The following EIF4G3 variants were observed in gnomAD, a reference collection of about 807,000 sequenced individuals.
EIF4G3 encodes eIF-4-gamma 3.
In EIF4G3, 34 loss-of-function variants were observed where a neutral mutation model predicts 186.4. The observed-to-expected ratio is 0.18, with a 90% confidence interval of 0.14 to 0.24. EIF4G3 has a LOEUF of 0.24. Among genes scored for constraint, EIF4G3 ranks in the 10% least tolerant of loss-of-function variants. The pLI, the probability that EIF4G3 is intolerant of heterozygous loss-of-function variation, is 1.00. For synonymous variants in EIF4G3, 673 were observed against 679.5 expected (o/e 0.99, Z 0.15); for missense variants, 1,536 against 1,948.5 (o/e 0.79, Z 3.99).
At chr1:20,808,490 G>A (rs1298552990) in intron 36 of EIF4G3, among the ~76,000 whole-genome samples, 1 of 151,810 alleles carries the variant, frequency 6.6e-6, no homozygotes, top group African/African-American at 2.4e-5. Flanking sequence ...GACCATCCTG[G>A]CTAACACAGT....
intron 16 of EIF4G3, among the ~76,000 whole-genome samples, chr1:20,898,131 TA>T (rs1306860986): frequency 2.0e-5 from 3 of 152,012 alleles, no homozygotes; most frequent in Non-Finnish European, 4.4e-5. Context: ...AGGGTTTTTT[TA>T]AAAAAAGTTT....
At chr1:20,813,769 C>T (rs1180071190) in intron 34 of EIF4G3, among the ~76,000 whole-genome samples, 2 of 151,500 alleles carry the variant, frequency 1.3e-5, no homozygotes, top group Non-Finnish European at 2.9e-5. Flanking sequence ...TCGTTTGAAC[C>T]TGGGAGGTGG....
chr1:21,068,398 A>C (rs917773096), intron 3 of EIF4G3, among the ~76,000 whole-genome samples: 1 of 147,314 alleles, frequency 6.8e-6, no homozygotes. Flanking sequence ...AAAAAAAAAA[A>C]AACAGAATAC....
At chr1:21,091,079 C>T (rs907030605) in intron 2 of EIF4G3, among the ~76,000 whole-genome samples, 3 of 152,162 alleles carry the variant, frequency 2.0e-5, no homozygotes, top group Non-Finnish European at 4.4e-5. Flanking sequence ...AGATACCGAA[C>T]AGGATTTCTC....
chr1:21,162,449 A>T (rs1373466537), intron 2 of EIF4G3, among the ~76,000 whole-genome samples: 1 of 54,670 alleles, frequency 1.8e-5, no homozygotes, highest in Non-Finnish European at 4.9e-5. Context: ...ACATCATCTT[A>T]AAAAAAAAAA....
Position 20,941,851 on chromosome 1 carries a change from C to T in EIF4G3, c.1303G>A (p.Glu435Lys). 1.2e-6 allele frequency: 2 copies of T among 1,614,112 alleles called. No individual in the cohort carries two copies. The highest frequency in any genetic ancestry group is 8.5e-7 in the Non-Finnish European group (1 of 1,180,012). The change falls in exon 14 of 37, where the codon GAA becomes AAA. Residue 435 changes from glutamate (E) to lysine (K), a missense_variant. Glu to Lys is a moderately conservative substitution (Grantham distance 56). Coordinates refer to ENST00000602326, the MANE Select transcript of EIF4G3 (RefSeq NM_001391906.1). ...TESIVEIVKQ[E>K]VLPLTLELEI... The stretch of plus-strand genomic sequence containing the variant: ...AATTCAAGAGTCAATGGCAATACTT[C>T]CTGTTTTACTATTTCCACAATGCTC...
At position 21,130,199 on chromosome 1, in the gene EIF4G3, C is replaced by T. The variant is rs181613501; in HGVS notation, c.-271-40986G>A. On this transcript the variant is annotated intron_variant, in intron 2 of 36. Coordinates refer to ENST00000602326, the MANE Select transcript of EIF4G3 (RefSeq NM_001391906.1). The stretch of plus-strand genomic sequence containing the variant: ...AAGAGTTGAAGACCAGACTGGGCAA[C>T]ACAGGAGACCCCATCTCTTTTTTTT... Among the ~76,000 whole-genome samples, 163 of 144,790 alleles carry T rather than the reference C, an allele frequency of 1.1e-3. 1 individual carries two copies. Among genetic ancestry groups the T allele is most frequent in the African/African-American group, 4.0e-3 (159 of 39,498 alleles). The allele number at this position is 144,790 out of a possible 152,430, so 95.0% of individuals were successfully genotyped here.
At chr1:20,962,437 T>C (rs529061379) in intron 12 of EIF4G3, among the ~76,000 whole-genome samples, 3 of 152,348 alleles carry the variant, frequency 2.0e-5, no homozygotes, top group South Asian at 2.1e-4. Flanking sequence ...GTTTACATCA[T>C]CTGTTTATAA....
At chr1:21,110,352 G>C (rs1333334833) in intron 2 of EIF4G3, among the ~76,000 whole-genome samples, 1 of 151,670 alleles carries the variant, frequency 6.6e-6, no homozygotes, top group African/African-American at 2.4e-5. Context: ...CTGGAGTGCA[G>C]TGACGCAATC....
At chr1:21,050,557 C>T (rs1284159886) in intron 4 of EIF4G3, among the ~76,000 whole-genome samples, 3 of 152,170 alleles carry the variant, frequency 2.0e-5, no homozygotes, top group Admixed American at 6.5e-5. Flanking sequence ...GATTAAGCAT[C>T]GAAAAGCAAA....
chr1:20,818,104 C>G (rs1445813180), intron 33 of EIF4G3, among the ~76,000 whole-genome samples: 1 of 152,084 alleles, frequency 6.6e-6, no homozygotes. Context: ...TGGTTACACG[C>G]AAATAATCTT....
intron 2 of EIF4G3, among the ~76,000 whole-genome samples, chr1:21,138,994 C>T (rs1257676566): frequency 6.6e-6 from 1 of 152,120 alleles, no homozygotes; most frequent in African/African-American, 2.4e-5. Context: ...AAGCAATCCT[C>T]CTGCCTTGGC....
At position 21,002,813 on chromosome 1, in the gene EIF4G3, CA is replaced by C; in HGVS notation, c.-66-6del. 1.3e-6 allele frequency: 2 copies of C among 1,493,324 alleles called. No homozygotes were observed. Among genetic ancestry groups the C allele is most frequent in the Non-Finnish European group, 1.9e-6 (2 of 1,080,742 alleles). The allele number at this position is 1,493,324 out of a possible 1,614,324, so 92.5% of individuals were successfully genotyped here. On this transcript the variant is annotated splice_polypyrimidine_tract_variant and splice_region_variant and intron_variant, in intron 4 of 36. Coordinates refer to ENST00000602326, the MANE Select transcript of EIF4G3 (RefSeq NM_001391906.1). ...CTGTCCAGAGGGATAAGGGGTCTGTCAAAAAATGGCAAGAACAATATAATAT... is the reference window on the plus strand; with the variant it reads ...CTGTCCAGAGGGATAAGGGGTCTGTCAAAAATGGCAAGAACAATATAATAT...
intron 4 of EIF4G3, among the ~76,000 whole-genome samples, chr1:21,047,529 A>G (rs2093961429): frequency 6.6e-6 from 1 of 152,102 alleles, no homozygotes; most frequent in African/African-American, 2.4e-5. Flanking sequence ...CATTTCACCT[A>G]AAAACCATTT....
intron 14 of EIF4G3, 47 bp downstream of exon 14, chr1:20,941,444 T>A (rs2095709611): frequency 6.2e-7 from 1 of 1,608,308 alleles, no homozygotes; most frequent in South Asian, 1.1e-5. Flanking sequence ...AAACACTGCC[T>A]CTTCTTCATG....
chr1:20,814,537 A>G (rs1212681818), intron 34 of EIF4G3, among the ~76,000 whole-genome samples: 2 of 152,046 alleles, frequency 1.3e-5, no homozygotes, highest in African/African-American at 4.8e-5. Context: ...ACAACACCAC[A>G]ACTGCAGTGT....
chr1:20,958,790 C>A (rs2096499197), intron 12 of EIF4G3, among the ~76,000 whole-genome samples: 1 of 152,066 alleles, frequency 6.6e-6, no homozygotes. Flanking sequence ...GAATTCAATA[C>A]CTTTTACCAC....
intron 15 of EIF4G3, among the ~76,000 whole-genome samples, chr1:20,903,672 G>A (rs1020918892): frequency 6.6e-6 from 1 of 152,028 alleles, no homozygotes; most frequent in Non-Finnish European, 1.5e-5. Flanking sequence ...GTTGCTATGG[G>A]ACTAACAGTG....
At chr1:21,108,335 A>AACT (rs1572667292) in intron 2 of EIF4G3, among the ~76,000 whole-genome samples, 1 of 152,156 alleles carries the variant, frequency 6.6e-6, no homozygotes, top group South Asian at 2.1e-4. Context: ...ATTACATATA[A>AACT]ACTACTGTAC....
Sources: allele counts gnomAD v4.1 joint callset (sites outside exome capture counted in the v4.1 genomes callset), GRCh38; gene constraint gnomAD v4.1.1; transcripts MANE v1.5; gene names NCBI Gene and HGNC (gene_info 2026-07-23, HGNC 2026-07-21).